ADPRHL1: variants seen among roughly 807,000 people sequenced by gnomAD.
ADPRHL1 encodes the protein ADP-ribosylhydrolase like 1.
In ADPRHL1, 43 loss-of-function variants were observed where a neutral mutation model predicts 44.1. That is an observed-to-expected ratio of 0.98 (90% CI 0.76 to 1.26). The LOEUF is 1.26. ADPRHL1 is among the 50% of genes most tolerant of loss of function. ADPRHL1 has a pLI of 0.00. For synonymous variants in ADPRHL1, 878 were observed against 1,017.4 expected, an observed-to-expected ratio of 0.86 and a Z score of 2.61; for missense variants, 2,022 against 2,496.9, an observed-to-expected ratio of 0.81 and a Z score of 4.05.
intron 3 of ADPRHL1, among the ~76,000 whole-genome samples, chr13:113,431,425 C>A (rs1423315539): frequency 4.6e-5 from 7 of 152,222 alleles, no homozygotes; most frequent in African/African-American, 1.4e-4. Flanking sequence ...GGCGGGAGGG[C>A]TGCAGCAGCG....
At chr13:113,424,590 G>T (rs1386395572) in intron 5 of ADPRHL1, among the ~76,000 whole-genome samples, 2 of 150,442 alleles carry the variant, frequency 1.3e-5, no homozygotes, top group East Asian at 3.9e-4. Context: ...GAGTAGTTGG[G>T]ATTACAGGCG....
At chr13:113,450,864 G>A (rs927109837) in intron 1 of ADPRHL1, among the ~76,000 whole-genome samples, 33 of 152,236 alleles carry the variant, frequency 2.2e-4, no homozygotes, top group South Asian at 4.1e-4. Flanking sequence ...TTAGGCCTCC[G>A]GATAACTGCG....
chr13:113,429,212 A>G lies in ADPRHL1; in HGVS notation c.506-120T>C, dbSNP rs536399256. Reference sequence around the variant, plus strand: ...GGTTTGCTCGTTTTCCGTCTTTCCCATGTTCAGGTGCACAGTTCGGCGGCA... The same window carrying G: ...GGTTTGCTCGTTTTCCGTCTTTCCCGTGTTCAGGTGCACAGTTCGGCGGCA... On this transcript the variant is annotated intron_variant, in intron 3 of 7. Coordinates refer to ENST00000612156, the MANE Select transcript of ADPRHL1 (RefSeq NM_001394807.1). The G allele has an allele frequency of 1.3e-4, 179 of 1,343,744 alleles. 2 individuals carry two copies. The South Asian group carries it at 2.2e-3, about 16-fold the overall frequency. The allele number at this position is 1,343,744 out of a possible 1,614,324, so 83.2% of individuals were successfully genotyped here.
At chr13:113,445,363 G>C (rs535089834) in intron 1 of ADPRHL1, among the ~76,000 whole-genome samples, 1 of 152,254 alleles carries the variant, frequency 6.6e-6, no homozygotes, top group Non-Finnish European at 1.5e-5. Flanking sequence ...TAAGTAACCC[G>C]CAGTGTGTGG....
intron 7 of ADPRHL1, among the ~76,000 whole-genome samples, chr13:113,412,343 A>C (rs959966642): frequency 6.6e-6 from 1 of 151,990 alleles, no homozygotes. Context: ...ACGCCCGGCT[A>C]ATTTTTTGTA....
At chr13:113,418,619 T>C (rs2043898479) in intron 7 of ADPRHL1, among the ~76,000 whole-genome samples, 1 of 152,208 alleles carries the variant, frequency 6.6e-6, no homozygotes, top group South Asian at 2.1e-4. Flanking sequence ...ATGTTCCTAG[T>C]GTGTGACTTC....
rs964143368 is a variant in ADPRHL1 at position 113,400,777 on chromosome 13, G to A, written c.*2601C>T. ...TCATGCTGGGCTGCATCTGGCACAT[G>A]GAGAGGACGGGCCAGTCGAGCAGGT... On this transcript the variant is annotated 3_prime_UTR_variant, in exon 8 of 8. Coordinates refer to ENST00000612156, the MANE Select transcript of ADPRHL1 (RefSeq NM_001394807.1). 5 of 152,272 alleles carry A rather than the reference G, an allele frequency of 3.3e-5. No individual in the cohort carries two copies. Among genetic ancestry groups the A allele is most frequent in the Admixed American group, 6.5e-5 (1 of 15,288 alleles). The allele number at this position is 152,272 out of a possible 1,614,324, so 9.4% of individuals were successfully genotyped here.
In ADPRHL1 at chr13:113,453,321, A is replaced by G; in HGVS notation, c.117T>C (p.Arg39=). ...VGMKIQEELQ[R]SGGLDHLVLS... ...GTACGAGGTGGTCCAGGCCCCCGGA[A>G]CGTTGCAGCTCCTCCTGGATCTTCA... The change falls in exon 1 of 8, where the codon CGT becomes CGC. Residue 39 remains arginine, a synonymous_variant. Coordinates refer to ENST00000612156, the MANE Select transcript of ADPRHL1 (RefSeq NM_001394807.1). This position sits in a 1 kb window ranked among gnomAD's most constrained non-coding sequence, Gnocchi z 5.4. The G allele has an allele frequency of 6.2e-7, 1 of 1,614,140 alleles. No individual in the cohort carries two copies. Among genetic ancestry groups the G allele is most frequent in the Non-Finnish European group, 8.5e-7 (1 of 1,180,022 alleles).
At chr13:113,450,268 GTTAT>G (rs2044169871) in intron 1 of ADPRHL1, among the ~76,000 whole-genome samples, 1 of 152,172 alleles carries the variant, frequency 6.6e-6, no homozygotes, top group African/African-American at 2.4e-5. Flanking sequence ...GCTACAATTT[GTTAT>G]TTAAAGAACA....
chr13:113,428,259 AT>A (rs1278100558), intron 4 of ADPRHL1, among the ~76,000 whole-genome samples: 30 of 150,712 alleles, frequency 2.0e-4, no homozygotes, highest in African/African-American at 7.3e-4. Flanking sequence ...AAAAAAAAAA[AT>A]CAAGAAGACT....
intron 7 of ADPRHL1, among the ~76,000 whole-genome samples, chr13:113,419,648 C>T (rs560941896): frequency 1.2e-4 from 19 of 152,238 alleles, no homozygotes; most frequent in South Asian, 4.1e-4. Flanking sequence ...ATGCCACTCA[C>T]GCGATGGAAA....
Position 113,406,246 on chromosome 13 carries a change from G to T in ADPRHL1, c.3036C>A (p.Asn1012Lys). Residue 1012 changes from asparagine (N) to lysine (K), a missense_variant, in exon 8 of 8, where the codon AAC (asparagine) becomes AAA (lysine). This residue lies in a region of ADPRHL1 where 1,221 missense variants were observed against 1,517.8 expected (regional missense o/e 0.80). Transcript: ENST00000612156. Reference sequence around the variant, plus strand: ...CATGGCTGGTGTTTCCCCTCAGAAGGTTTTGTGAGGCTGCAGGATCATTTG... The same window carrying T: ...CATGGCTGGTGTTTCCCCTCAGAAGTTTTTGTGAGGCTGCAGGATCATTTG... ...SATNDPAASQNLLRGNTSHAS... is the reference protein window; with the variant it reads ...SATNDPAASQKLLRGNTSHAS... The T allele has an allele frequency of 8.1e-7, 1 of 1,232,110 alleles. No individual in the cohort carries two copies. The highest frequency in any genetic ancestry group is 4.1e-5 in the South Asian group (1 of 24,320). The allele number at this position is 1,232,110 out of a possible 1,614,324, so 76.3% of individuals were successfully genotyped here.
chr13:113,438,195 A>G (rs887112745), intron 2 of ADPRHL1, among the ~76,000 whole-genome samples: 2 of 152,150 alleles, frequency 1.3e-5, no homozygotes, highest in African/African-American at 2.4e-5. Flanking sequence ...GAACCATTTG[A>G]TGTCCCTCCA....
In ADPRHL1 at chr13:113,404,816, T is replaced by C; in HGVS notation, c.4466A>G (p.Gln1489Arg). ...PGSPAAQGQA[Q>R]KQVQEWDRGQ... The stretch of plus-strand genomic sequence containing the variant: ...CCGGTCCCATTCCTGAACCTGTTTC[T>C]GGGCCTGTCCTTGGGCTGCCGGGCT... The change falls in exon 8 of 8, where the codon CAG becomes CGG. Residue 1489 changes from glutamine (Q) to arginine (R), a missense_variant. Transcript: ENST00000612156. The C allele has an allele frequency of 1.6e-6, 2 of 1,256,264 alleles. No homozygotes were observed. Among genetic ancestry groups the C allele is most frequent in the Non-Finnish European group, 2.0e-6 (2 of 1,003,684 alleles). 77.8% of individuals were successfully genotyped at this position (1,256,264 alleles called of 1,614,324 possible).
In ADPRHL1 at chr13:113,404,472, C is replaced by A. The variant is rs1364013498; in HGVS notation, c.4810G>T (p.Val1604Phe). 42 of 1,304,958 alleles carry A rather than the reference C, an allele frequency of 3.2e-5. No individual in the cohort carries two copies. Among genetic ancestry groups the A allele is most frequent in the Non-Finnish European group, 3.9e-5 (40 of 1,033,860 alleles). The allele number at this position is 1,304,958 out of a possible 1,614,324, so 80.8% of individuals were successfully genotyped here. ...GQAQKQVQGE[V>F]QKWAQEEAQG... ...GCCTCTTCCTGGGCCCATTTCTGAA[C>A]CTCTCCTTGAACCTGTTTCTGGGCC... is the stretch of plus-strand genomic sequence containing the variant. The change falls in exon 8 of 8, where the codon GTT (valine) becomes TTT (phenylalanine). Residue 1604 changes from valine (V) to phenylalanine (F), a missense_variant. This residue lies in a region of ADPRHL1 where 78 missense variants were observed against 76.5 expected (regional missense o/e 1.02). Coordinates refer to ENST00000612156, the MANE Select transcript of ADPRHL1 (RefSeq NM_001394807.1).
At chr13:113,445,132 G>A (rs929644613) in intron 1 of ADPRHL1, among the ~76,000 whole-genome samples, 10 of 152,214 alleles carry the variant, frequency 6.6e-5, no homozygotes, top group Admixed American at 1.3e-4. Context: ...AACAAGGGTG[G>A]GCTCGAGGCC....
intron 2 of ADPRHL1, among the ~76,000 whole-genome samples, chr13:113,434,729 G>C (rs71446970): frequency 1.3e-4 from 14 of 109,740 alleles, no homozygotes; most frequent in East Asian, 8.8e-4. Flanking sequence ...CCGGCACCCA[G>C]GCGTAGAGTG....
At position 113,441,774 on chromosome 13, in the gene ADPRHL1, C is replaced by T. The variant is rs146783176; in HGVS notation, c.379+2651G>A. On this transcript the variant is annotated intron_variant, in intron 2 of 7. Coordinates refer to ENST00000612156, the MANE Select transcript of ADPRHL1 (RefSeq NM_001394807.1). This position sits in a 1 kb window ranked among gnomAD's most constrained non-coding sequence, Gnocchi z 6.0. ...CGTGTCTCTATCATGCTCCGCCCCGCCGTGTGGGTCTGTGTCTCTATCACG... is the reference window on the plus strand; with the variant it reads ...CGTGTCTCTATCATGCTCCGCCCCGTCGTGTGGGTCTGTGTCTCTATCACG... Among the ~76,000 whole-genome samples, 3 of 152,238 alleles carry T rather than the reference C, an allele frequency of 2.0e-5. No homozygotes were observed. The highest frequency in any genetic ancestry group is 3.9e-4 in the East Asian group (2 of 5,182).
chr13:113,434,854 AGGTGTAGAGTGAACATAGGTGTACCC>A (rs2044037718), intron 2 of ADPRHL1, among the ~76,000 whole-genome samples: 1 of 129,858 alleles, frequency 7.7e-6, no homozygotes. Context: ...CCCGGCACCC[AGGTGTAGAGTGAACATAGGTGTACCC>A]CGGGACCCAG....
Sources: gnomAD v4.1 joint callset for allele counts (sites outside exome capture counted in the v4.1 genomes callset) on GRCh38, gnomAD v4.1.1 for gene constraint, gnomAD v4.1.1 regional missense constraint, Gnocchi (gnomAD v3.1) non-coding constraint, MANE v1.5 for transcripts, NCBI Gene and HGNC (gene_info 2026-07-23, HGNC 2026-07-21) for gene names.